Variants in LRIG1 observed in about 807,000 individuals in gnomAD.
LRIG1 encodes leucine rich repeats and immunoglobulin like domains 1, also known as leucine-rich repeats and immunoglobulin-like domains protein 1.
A neutral mutation model predicts 99.2 loss-of-function variants in LRIG1; 48 were observed. That is an observed-to-expected ratio of 0.48 (90% confidence interval 0.38 to 0.62). LRIG1 has a LOEUF of 0.62. Among genes scored for constraint, LRIG1 ranks in the 20% least tolerant of loss-of-function variants. LRIG1 has a pLI of 0.00. For missense variants in LRIG1, 1,646 were observed against 1,434.4 expected (o/e 1.15, Z -2.38); for synonymous variants, 772 against 596.1 (o/e 1.29, Z -4.30).
chr3:66,441,440 G>A (rs1703535893), intron 3 of LRIG1, among the ~76,000 whole-genome samples: 1 of 152,108 alleles, frequency 6.6e-6, no homozygotes, highest in Non-Finnish European at 1.5e-5. Context: ...ACAGATGGCC[G>A]GCATAATCAG....
chr3:66,398,390 G>A (rs1701935119), intron 10 of LRIG1, among the ~76,000 whole-genome samples: 1 of 152,198 alleles, frequency 6.6e-6, no homozygotes, highest in Non-Finnish European at 1.5e-5. Flanking sequence ...ATCAAAGCTG[G>A]GCTGAGGCCT....
At chr3:66,430,769 T>C (rs1254392959) in intron 3 of LRIG1, among the ~76,000 whole-genome samples, 1 of 152,012 alleles carries the variant, frequency 6.6e-6, no homozygotes, top group African/African-American at 2.4e-5. Flanking sequence ...AGATGGACAA[T>C]GAGCCACTTC....
intron 1 of LRIG1, 24 bp downstream of exon 1, chr3:66,500,166 G>A (rs572282231): frequency 1.3e-6 from 2 of 1,505,002 alleles, no homozygotes; most frequent in Non-Finnish European, 1.8e-6. Context: ...GGGGCGCAGA[G>A]AGGGCGGAAA....
chr3:66,382,531 G>T, intron 15 of LRIG1, 133 bp from the exon 16 acceptor site: 1 of 1,026,394 alleles, frequency 9.7e-7, no homozygotes, highest in Non-Finnish European at 1.5e-6. Flanking sequence ...ATGACATGGA[G>T]TCCATGTACG....
chr3:66,463,578 T>A (rs1000150052), intron 1 of LRIG1, among the ~76,000 whole-genome samples: 2 of 152,226 alleles, frequency 1.3e-5, no homozygotes, highest in African/African-American at 2.4e-5. Context: ...GCCACAAAGA[T>A]GTGATCCAAA....
intron 1 of LRIG1, among the ~76,000 whole-genome samples, chr3:66,481,253 C>A (rs192418948): frequency 9.8e-5 from 15 of 152,330 alleles, no homozygotes; most frequent in African/African-American, 3.4e-4. Context: ...GCTCCCCTTG[C>A]GCCATAAACT....
intron 1 of LRIG1, chr3:66,498,062 T>C (rs923290965): frequency 2.0e-5 from 3 of 152,222 alleles, no homozygotes; most frequent in African/African-American, 7.2e-5. Context: ...GCTTGATTTG[T>C]CCTTAATCAG....
At chr3:66,489,969 CACG>C (rs1270520906) in intron 1 of LRIG1, among the ~76,000 whole-genome samples, 1 of 149,260 alleles carries the variant, frequency 6.7e-6, no homozygotes, top group Non-Finnish European at 1.5e-5. Flanking sequence ...TTCTGAGCAC[CACG>C]ACTTCACATA....
Position 66,380,352 on chromosome 3 carries a change from C to A in LRIG1, c.3193G>T (p.Ala1065Ser). The A allele has an allele frequency of 6.2e-7, 1 of 1,614,172 alleles. No homozygotes were observed. The highest frequency in any genetic ancestry group is 8.5e-7 in the Non-Finnish European group (1 of 1,180,030). ...LLVSNGHLPK[A>S]CDASPESTPL... is the part of the protein sequence containing the mutation. ...GTGGACTCGGGACTGGCGTCACATG[C>A]TTTGGGGAGGTGGCCATTGGAAACA... is the stretch of plus-strand genomic sequence containing the variant. The change falls in exon 19 of 19, where the codon GCA becomes TCA. Residue 1065 changes from alanine to serine, a missense_variant. By Grantham distance (99) the Ala-to-Ser change is moderately conservative (BLOSUM62 1). Transcript: ENST00000273261.
At chr3:66,414,872 C>T in intron 5 of LRIG1, 48 bp downstream of exon 5, 1 of 1,504,972 alleles carries the variant, frequency 6.6e-7, no homozygotes, top group Non-Finnish European at 8.9e-7. Context: ...AATCTGGCCT[C>T]CATAAAGTTT....
In LRIG1 at chr3:66,385,976, C is replaced by T; in HGVS notation, c.1789+5G>A. 1 of 1,611,562 alleles carries T rather than the reference C, an allele frequency of 6.2e-7. No individual in the cohort carries two copies. Among genetic ancestry groups the T allele is most frequent in the Non-Finnish European group, 8.5e-7 (1 of 1,178,210 alleles). On this transcript the variant is annotated splice_donor_5th_base_variant and intron_variant, in intron 13 of 18. Transcript: ENST00000273261. ...GGTACTATAACAAAGATGGTGTTTC[C>T]ATACCATTCACGGTGAGCCTGGCCT...
chr3:66,410,715 A>C (rs1487854454), intron 6 of LRIG1, among the ~76,000 whole-genome samples: 1 of 152,226 alleles, frequency 6.6e-6, no homozygotes, highest in African/African-American at 2.4e-5. Flanking sequence ...ACAAACGGGC[A>C]CAGGAGTTCC....
intron 12 of LRIG1, chr3:66,387,679 A>G (rs534842274): frequency 6.6e-6 from 1 of 152,282 alleles, no homozygotes; most frequent in South Asian, 2.1e-4. Context: ...TCAAACAGGA[A>G]AAAAAGCAGT....
intron 3 of LRIG1, among the ~76,000 whole-genome samples, chr3:66,439,952 A>G (rs1384060700): frequency 6.6e-6 from 1 of 152,212 alleles, no homozygotes; most frequent in Non-Finnish European, 1.5e-5. Flanking sequence ...GGATCCCCAG[A>G]GTCCTAAGTA....
chr3:66,422,424 C>T (rs1702849561), intron 3 of LRIG1, among the ~76,000 whole-genome samples: 1 of 152,220 alleles, frequency 6.6e-6, no homozygotes, highest in African/African-American at 2.4e-5. Flanking sequence ...TCATCTCTCT[C>T]AAGTTCAAAG....
chr3:66,500,191 G>C lies in LRIG1; in HGVS notation c.217C>G (p.Leu73Val). ...GAGGGCGGAAAGGGCGGCACTCACA[G>C]GCTCCGCGTCCAGGAGGGCAGGTCC... Reference protein sequence around the residue: ...PGDLPSWTRSLNLSYNKLSEI... With the variant: ...PGDLPSWTRSVNLSYNKLSEI... The change falls in exon 1 of 19, where the codon CTA (leucine) becomes GTA (valine). Residue 73 changes from leucine (L) to valine (V), a missense_variant and splice_region_variant. By Grantham distance (32) the Leu-to-Val change is conservative. Transcript: ENST00000273261. 1.3e-6 allele frequency: 2 copies of C among 1,515,834 alleles called. No individual in the cohort carries two copies. Among genetic ancestry groups the C allele is most frequent in the South Asian group, 2.4e-5 (2 of 83,134 alleles). The allele number at this position is 1,515,834 out of a possible 1,614,324, so 93.9% of individuals were successfully genotyped here.
At chr3:66,414,659 C>G (rs901222522) in intron 5 of LRIG1, among the ~76,000 whole-genome samples, 1 of 152,184 alleles carries the variant, frequency 6.6e-6, no homozygotes, top group Non-Finnish European at 1.5e-5. Flanking sequence ...AGCTAAGCAG[C>G]AGGACTCCTG....
At chr3:66,453,928 A>G (rs1703987666) in intron 2 of LRIG1, among the ~76,000 whole-genome samples, 1 of 152,250 alleles carries the variant, frequency 6.6e-6, no homozygotes, top group African/African-American at 2.4e-5. Flanking sequence ...TTTCACAGAA[A>G]TAAATGAACA....
At position 66,382,418 on chromosome 3, in the gene LRIG1, A is replaced by G; in HGVS notation, c.2492-20T>C. 3 of 1,614,138 alleles carry G rather than the reference A, an allele frequency of 1.9e-6. No individual in the cohort carries two copies. Among genetic ancestry groups the G allele is most frequent in the Non-Finnish European group, 2.5e-6 (3 of 1,179,948 alleles). On this transcript the variant is annotated intron_variant, in intron 15 of 18. Coordinates refer to ENST00000273261, the MANE Select transcript of LRIG1 (RefSeq NM_015541.3). ...TTTCATCTGCAAGGAGACAGAACAA[A>G]TAGAACACCAGGGTCTCAGTGACAA... is the stretch of plus-strand genomic sequence containing the variant.
Sources: gnomAD v4.1 joint callset for allele counts (sites outside exome capture counted in the v4.1 genomes callset) on GRCh38, gnomAD v4.1.1 for gene constraint, MANE v1.5 for transcripts, NCBI Gene and HGNC (gene_info 2026-07-23, HGNC 2026-07-21) for gene names.